The following AHI1 variants were observed in gnomAD, a reference collection of about 807,000 sequenced individuals.
AHI1 encodes the protein Abelson helper integration site 1.
AHI1 carries 123 observed loss-of-function variants against 149.3 expected under a neutral mutation model. The ratio of observed to expected loss-of-function variants is 0.82; its 90% CI spans 0.71 to 0.96. AHI1 has a LOEUF of 0.96. Ranked by LOEUF, AHI1 falls within the 40% of genes least tolerant of loss-of-function variation. The pLI, the probability that AHI1 is intolerant of heterozygous loss-of-function variation, is 0.00. For missense variants in AHI1, 1,439 were observed against 1,422.7 expected, an observed-to-expected ratio of 1.01 and a Z score of -0.18; for synonymous variants, 475 against 459.8, an observed-to-expected ratio of 1.03 and a Z score of -0.42.
At chr6:135,402,167 C>A (rs1780107137) in intron 22 of AHI1, among the ~76,000 whole-genome samples, 1 of 152,096 alleles carries the variant, frequency 6.6e-6, no homozygotes, top group South Asian at 2.1e-4. Flanking sequence ...GAAGAGAATA[C>A]AAGTGTTGGT....
intron 23 of AHI1, among the ~76,000 whole-genome samples, chr6:135,386,500 C>T (rs914516415): frequency 7.2e-5 from 11 of 151,898 alleles, no homozygotes; most frequent in South Asian, 6.2e-4. Flanking sequence ...TTAGTAGAGA[C>T]GGGGTTTCAC....
intron 28 of AHI1, among the ~76,000 whole-genome samples, chr6:135,288,208 C>T (rs967943733): frequency 1.3e-5 from 2 of 151,940 alleles, no homozygotes; most frequent in Non-Finnish European, 2.9e-5. Context: ...AGGCTAAGTG[C>T]AGGGGAGGAA....
chr6:135,330,876 G>T lies in AHI1; in HGVS notation c.3166-7552C>A, dbSNP rs188616360. 9.4e-3 allele frequency among the ~76,000 whole-genome samples: 1,436 copies of T among 152,246 alleles called. 11 individuals are homozygous for T. Among genetic ancestry groups the T allele is most frequent in the Non-Finnish European group, 0.015 (1,020 of 68,002 alleles). ...CATATTGTATGTAGTAAACTTCTTT[G>T]CTTGTGTTAATTTGGCAGTGGATTG... On this transcript the variant is annotated intron_variant, in intron 24 of 28. Transcript: ENST00000265602.
chr6:135,289,887 C>A (rs1583513553), intron 28 of AHI1, among the ~76,000 whole-genome samples: 4 of 152,054 alleles, frequency 2.6e-5, no homozygotes, highest in Admixed American at 2.6e-4. Context: ...GGCCTTCTGG[C>A]AGGCCTTCCC....
intron 7 of AHI1, among the ~76,000 whole-genome samples, chr6:135,465,001 A>G (rs988978166): frequency 6.6e-6 from 1 of 152,218 alleles, no homozygotes; most frequent in African/African-American, 2.4e-5. Flanking sequence ...TAACTAATAT[A>G]TACTATCATG....
chr6:135,488,004 C>T (rs1794722463), intron 5 of AHI1, among the ~76,000 whole-genome samples: 1 of 152,068 alleles, frequency 6.6e-6, no homozygotes. Context: ...GACCAGATTC[C>T]TCAGGCTACA....
intron 23 of AHI1, chr6:135,388,107 C>T: frequency 6.7e-7 from 1 of 1,487,454 alleles, no homozygotes; most frequent in Non-Finnish European, 9.3e-7. Context: ...CCATAAAAGA[C>T]ATTTAAGGGC....
rs375284671 is a variant in AHI1, at chr6:135,433,644, T to C, written c.2037-388A>G. 2.6e-5 allele frequency among the ~76,000 whole-genome samples: 4 copies of C among 152,066 alleles called. No individual in the cohort carries two copies. In the South Asian group the frequency reaches 6.2e-4, roughly 24 times the overall value. ...AAACTTTAATGATTTCCCATTTAGGTTGTGTATACCACTTTTACAAAGTGT... is the reference window on the plus strand; with the variant it reads ...AAACTTTAATGATTTCCCATTTAGGCTGTGTATACCACTTTTACAAAGTGT... On this transcript the variant is annotated intron_variant, in intron 15 of 28. Coordinates refer to ENST00000265602, the MANE Select transcript of AHI1 (RefSeq NM_001134831.2).
At chr6:135,465,583 G>A (rs1367705007) in intron 7 of AHI1, among the ~76,000 whole-genome samples, 2 of 152,156 alleles carry the variant, frequency 1.3e-5, no homozygotes, top group Non-Finnish European at 2.9e-5. Flanking sequence ...AAGATAGGAA[G>A]AATATTACTT....
At chr6:135,388,353 A>G (rs950090801) in intron 23 of AHI1, among the ~76,000 whole-genome samples, 3 of 152,232 alleles carry the variant, frequency 2.0e-5, no homozygotes, top group African/African-American at 7.2e-5. Context: ...TACCTTCCTT[A>G]AAATGGAAAC....
At chr6:135,428,260 G>C (rs1438162477) in intron 19 of AHI1, among the ~76,000 whole-genome samples, 1 of 151,556 alleles carries the variant, frequency 6.6e-6, no homozygotes, top group African/African-American at 2.4e-5. Flanking sequence ...TGAAAATATA[G>C]ATGTTTAACA....
chr6:135,448,783 TC>T (rs1353054318), intron 11 of AHI1, among the ~76,000 whole-genome samples: 11 of 152,340 alleles, frequency 7.2e-5, no homozygotes, highest in Non-Finnish European at 1.6e-4. Flanking sequence ...AAGGAAGTGA[TC>T]AATACACATG....
intron 21 of AHI1, among the ~76,000 whole-genome samples, chr6:135,411,053 C>G (rs1233977248): frequency 3.9e-5 from 6 of 152,138 alleles, no homozygotes; most frequent in African/African-American, 1.4e-4. Context: ...TGGAGTCATA[C>G]CTGTATGCTA....
rs898665566 is a variant in AHI1, at chr6:135,383,714, A to G, written c.3109+11062T>C. Reference sequence around the variant, plus strand: ...ATATATTTTATAACAACATCATTTTATATGCCCAATTATCTTAAAAATTGA... The same window carrying G: ...ATATATTTTATAACAACATCATTTTGTATGCCCAATTATCTTAAAAATTGA... On this transcript the variant is annotated intron_variant, in intron 23 of 28. Transcript: ENST00000265602. 3.3e-5 allele frequency among the ~76,000 whole-genome samples: 5 copies of G among 152,374 alleles called. No individual in the cohort carries two copies. In the South Asian group the frequency reaches 1.0e-3, roughly 32 times the overall value.
chr6:135,437,290 C>T (rs1289509817), intron 15 of AHI1, among the ~76,000 whole-genome samples: 2 of 152,172 alleles, frequency 1.3e-5, no homozygotes, highest in African/African-American at 4.8e-5. Context: ...GAGATGACAG[C>T]TTAGGTGACA....
intron 5 of AHI1, chr6:135,490,051 C>T (rs1442706079): frequency 2.8e-5 from 18 of 637,110 alleles, no homozygotes; most frequent in South Asian, 1.3e-4. Flanking sequence ...GATGCCAATA[C>T]AGACTCTTTA....
chr6:135,474,783 T>C (rs1461071758), intron 5 of AHI1, among the ~76,000 whole-genome samples: 1 of 152,192 alleles, frequency 6.6e-6, no homozygotes, highest in Non-Finnish European at 1.5e-5. Flanking sequence ...CAGCTAGACA[T>C]GGGGTATTAT....
intron 24 of AHI1, among the ~76,000 whole-genome samples, chr6:135,328,669 T>C (rs1016091682): frequency 6.6e-6 from 1 of 152,060 alleles, no homozygotes. Flanking sequence ...AACTCTATAA[T>C]GGCCCCTAAG....
At chr6:135,309,989 T>C (rs1321900090) in intron 26 of AHI1, among the ~76,000 whole-genome samples, 1 of 152,094 alleles carries the variant, frequency 6.6e-6, no homozygotes, top group East Asian at 1.9e-4. Flanking sequence ...TTGAACAGAA[T>C]TACTAAAGTA....
Sources: allele counts gnomAD v4.1 joint callset (sites outside exome capture counted in the v4.1 genomes callset), GRCh38; gene constraint gnomAD v4.1.1; transcripts MANE v1.5; gene names NCBI Gene and HGNC (gene_info 2026-07-23, HGNC 2026-07-21).